SLC9A1: variants seen among roughly 807,000 people sequenced by gnomAD.
SLC9A1 encodes sodium/hydrogen exchanger 1.
A neutral mutation model predicts 67.9 loss-of-function variants in SLC9A1; 22 were observed. The observed-to-expected ratio is 0.32, with a 90% CI of 0.23 to 0.46. SLC9A1 has a LOEUF of 0.46. SLC9A1 is among the 20% of genes least tolerant of loss of function. The probability of loss-of-function intolerance (pLI) is 1.00; values close to 1 mark genes in which losing one functional copy is unlikely to be tolerated. For missense variants in SLC9A1, 686 were observed against 1,094.8 expected (o/e 0.63, Z 5.27); for synonymous variants, 421 against 471.8 (o/e 0.89, Z 1.40).
chr1:27,108,129 C>T (rs1335083529), intron 3 of SLC9A1, among the ~76,000 whole-genome samples: 5 of 148,528 alleles, frequency 3.4e-5, no homozygotes, highest in South Asian at 2.1e-4. Context: ...AGCAGTGGCG[C>T]GATCTTGGCT....
chr1:27,108,062 ATTTTT>A (rs1026584834), intron 3 of SLC9A1, among the ~76,000 whole-genome samples, 197 bp from the exon 4 acceptor site: 1 of 108,924 alleles, frequency 9.2e-6, no homozygotes, highest in Non-Finnish European at 1.9e-5. Flanking sequence ...GTATTCCTCC[ATTTTT>A]TTTTTTTTTT....
rs887730644 is a variant in SLC9A1 at position 27,137,326 on chromosome 1, G to A, written c.352+16657C>T. 1.3e-5 allele frequency among the ~76,000 whole-genome samples: 2 copies of A among 152,246 alleles called. No individual in the cohort carries two copies. Among genetic ancestry groups the A allele is most frequent in the African/African-American group, 4.8e-5 (2 of 41,462 alleles). On this transcript the variant is annotated intron_variant, in intron 1 of 11. Transcript: ENST00000263980. This position sits in a 1 kb window ranked among gnomAD's most constrained non-coding sequence, Gnocchi z 4.6. Reference sequence around the variant, plus strand: ...AGCCTGGACTAGAGGTCGGGGAGCTGAGCTCAATGCAGCTCTGTGGCCCTT... The same window carrying A: ...AGCCTGGACTAGAGGTCGGGGAGCTAAGCTCAATGCAGCTCTGTGGCCCTT...
intron 1 of SLC9A1, among the ~76,000 whole-genome samples, chr1:27,121,815 T>C (rs2083306223): frequency 6.6e-6 from 1 of 152,120 alleles, no homozygotes; most frequent in Non-Finnish European, 1.5e-5. Flanking sequence ...CTGGAACTTC[T>C]ACCCACCTTT....
chr1:27,101,808 G>A lies in SLC9A1; in HGVS notation c.1954C>T (p.His652Tyr). The change falls in exon 10 of 12, where the codon CAC becomes TAC. Residue 652 changes from histidine to tyrosine, a missense_variant. By Grantham distance (83) the His-to-Tyr change is moderately conservative. Transcript: ENST00000263980. The surrounding 1 kb of genome is among the most constrained non-coding windows in gnomAD (Gnocchi z 4.9). ...TCGTAGGGGTCTGCCACCAGCGTGT[G>A]TCTGTTGTAGGACCGCAGCTGTGGG... Reference protein sequence around the residue: ...TRQRLRSYNRHTLVADPYEEA... With the variant: ...TRQRLRSYNRYTLVADPYEEA... 6.2e-7 allele frequency: 1 copy of A among 1,612,286 alleles called. No individual in the cohort carries two copies. The highest frequency in any genetic ancestry group is 8.5e-7 in the Non-Finnish European group (1 of 1,179,696).
Position 27,100,414 on chromosome 1 carries a change from C to CG in SLC9A1, c.2340dup (p.Ala781ArgfsTer4), listed in dbSNP as rs1357237200. On this transcript the variant is annotated frameshift_variant, in exon 12 of 12. Transcript: ENST00000263980. LOFTEE classifies it high-confidence loss of function. The surrounding 1 kb of genome is among the most constrained non-coding windows in gnomAD (Gnocchi z 5.6). ...TGGGAGCTGGGGCTGTCACTGGGCG[C>CG]GGGGGTGAAGACATCGTCGGTTCCT... 1.2e-6 allele frequency: 2 copies of CG among 1,608,566 alleles called. No individual in the cohort carries two copies. Among genetic ancestry groups the CG allele is most frequent in the African/African-American group, 1.3e-5 (1 of 74,878 alleles).
At chr1:27,115,735 C>CAA (rs112070851) in intron 1 of SLC9A1, among the ~76,000 whole-genome samples, 1 of 139,288 alleles carries the variant, frequency 7.2e-6, no homozygotes, top group African/African-American at 2.6e-5. Context: ...AGCCCAGCCT[C>CAA]AAAAAAAAAA....
At position 27,109,829 on chromosome 1, in the gene SLC9A1, G is replaced by T; in HGVS notation, c.814-52C>A. 6.2e-7 allele frequency: 1 copy of T among 1,601,460 alleles called. No individual in the cohort carries two copies. The highest frequency in any genetic ancestry group is 8.5e-7 in the Non-Finnish European group (1 of 1,172,792). On this transcript the variant is annotated intron_variant, in intron 2 of 11. Coordinates refer to ENST00000263980, the MANE Select transcript of SLC9A1 (RefSeq NM_003047.5). This position sits in a 1 kb window ranked among gnomAD's most constrained non-coding sequence, Gnocchi z 5.5. ...TGGGAGGAGAGGGCCCTGGCCCCACGGTTCCCTGGGGTCCACCCAGGGCAA... is the reference window on the plus strand; with the variant it reads ...TGGGAGGAGAGGGCCCTGGCCCCACTGTTCCCTGGGGTCCACCCAGGGCAA...
intron 4 of SLC9A1, among the ~76,000 whole-genome samples, chr1:27,107,107 A>T (rs2083190318): frequency 9.0e-6 from 1 of 111,438 alleles, no homozygotes; most frequent in African/African-American, 3.4e-5. Flanking sequence ...CTCCACACAC[A>T]CACACACACA....
chr1:27,154,636 G>A lies in SLC9A1; in HGVS notation c.-302C>T. 2.9e-6 allele frequency: 1 copy of A among 345,480 alleles called. No individual in the cohort carries two copies. The highest frequency in any genetic ancestry group is 5.3e-6 in the Non-Finnish European group (1 of 187,748). The allele number at this position is 345,480 out of a possible 1,614,324, so 21.4% of individuals were successfully genotyped here. On this transcript the variant is annotated 5_prime_UTR_variant, in exon 1 of 12. Coordinates refer to ENST00000263980, the MANE Select transcript of SLC9A1 (RefSeq NM_003047.5). ...ACGGATGTGGGAAACTGAGCCCTAG[G>A]GATAGAGGAAGGGGCAGGATAGGGA...
At chr1:27,113,116 G>C (rs1369540672) in intron 2 of SLC9A1, among the ~76,000 whole-genome samples, 2 of 152,050 alleles carry the variant, frequency 1.3e-5, no homozygotes, top group African/African-American at 4.8e-5. Flanking sequence ...CTGTGAAGAG[G>C]GAACTGAGGC....
rs755603773 is a variant in SLC9A1 at position 27,107,718 on chromosome 1, G to A, written c.1212C>T (p.Ala404=). ...AGGTCCAGTTCCAGTGGTGGGAGCC[G>A]GCCACCGTGGAGACGCCGAGGAAGA... The part of the protein sequence containing the change: ...IFIFLGVSTV[A]GSHHWNWTFV... The change falls in exon 4 of 12, where the codon GCC becomes GCT. Residue 404 remains alanine, a synonymous_variant. Transcript: ENST00000263980. 1.6e-5 allele frequency: 26 copies of A among 1,579,300 alleles called. No individual in the cohort carries two copies. Among genetic ancestry groups the A allele is most frequent in the Non-Finnish European group, 2.1e-5 (25 of 1,163,422 alleles).
In SLC9A1 at chr1:27,140,886, C is replaced by T. The variant is rs78151691; in HGVS notation, c.352+13097G>A. Among the ~76,000 whole-genome samples, 1,145 of 152,210 alleles carry T rather than the reference C, an allele frequency of 7.5e-3. 14 individuals are homozygous for T. Among genetic ancestry groups the T allele is most frequent in the African/African-American group, 0.023 (971 of 41,532 alleles). On this transcript the variant is annotated intron_variant, in intron 1 of 11. Transcript: ENST00000263980. Reference sequence around the variant, plus strand: ...TCCTGGAGTCCAGCTTCAGCTCTGCCACAGTCAGGCTATATGACACCAGGC... The same window carrying T: ...TCCTGGAGTCCAGCTTCAGCTCTGCTACAGTCAGGCTATATGACACCAGGC...
intron 1 of SLC9A1, among the ~76,000 whole-genome samples, chr1:27,128,657 T>TA (rs768704005): frequency 0.018 from 1,962 of 106,722 alleles, 40 homozygotes; most frequent in African/African-American, 0.053. Context: ...ACCCTGTCTT[T>TA]AAAAAAAAAA....
chr1:27,138,779 GA>G (rs2083435902), intron 1 of SLC9A1, among the ~76,000 whole-genome samples: 1 of 152,150 alleles, frequency 6.6e-6, no homozygotes, highest in South Asian at 2.1e-4. Context: ...ATGAAGTGGA[GA>G]AAGGGGTGGG....
chr1:27,131,638 C>T (rs1387882298), intron 1 of SLC9A1, among the ~76,000 whole-genome samples: 1 of 150,920 alleles, frequency 6.6e-6, no homozygotes, highest in Non-Finnish European at 1.5e-5. Flanking sequence ...GTCCCAGCTA[C>T]TCAGAAGGCT....
At chr1:27,123,008 G>C (rs1405298424) in intron 1 of SLC9A1, among the ~76,000 whole-genome samples, 1 of 151,884 alleles carries the variant, frequency 6.6e-6, no homozygotes, top group Non-Finnish European at 1.5e-5. Context: ...GGGAAGCGGT[G>C]GGGGGCAGCT....
At position 27,101,195 on chromosome 1, in the gene SLC9A1, G is replaced by A. The variant is rs749290227; in HGVS notation, c.2110+8C>T. On this transcript the variant is annotated splice_region_variant and intron_variant, in intron 11 of 11. Transcript: ENST00000263980. This position sits in a 1 kb window ranked among gnomAD's most constrained non-coding sequence, Gnocchi z 4.9. ...GCCCAGTCCTGAGGCCCCTCGCCAGGCCCTTACCTGAGCCGATGCGGGCCC... is the reference window on the plus strand; with the variant it reads ...GCCCAGTCCTGAGGCCCCTCGCCAGACCCTTACCTGAGCCGATGCGGGCCC... 6.2e-7 allele frequency: 1 copy of A among 1,607,990 alleles called. No individual in the cohort carries two copies. Among genetic ancestry groups the A allele is most frequent in the Admixed American group, 1.7e-5 (1 of 59,988 alleles).
At chr1:27,133,667 C>T (rs2083400738) in intron 1 of SLC9A1, among the ~76,000 whole-genome samples, 1 of 152,076 alleles carries the variant, frequency 6.6e-6, no homozygotes, top group Non-Finnish European at 1.5e-5. Context: ...TCCAAATGGC[C>T]ACTCCACTGC....
rs778518126 is a variant in SLC9A1, at chr1:27,105,927, G to A, written c.1443C>T (p.Leu481=). The change falls in exon 5 of 12, where the codon CTC becomes CTT. Residue 481 remains leucine (L), a synonymous_variant. Coordinates refer to ENST00000263980, the MANE Select transcript of SLC9A1 (RefSeq NM_003047.5). ...KKHFPMCDLF[L]TAIITVIFFT... ...AGAAGATGACAGTGATGATGGCAGT[G>A]AGGAACAGGTCACACATGGGGAAGT... The A allele has an allele frequency of 1.1e-5, 18 of 1,613,576 alleles. No homozygotes were observed. In the South Asian group the frequency reaches 2.0e-4, roughly 18 times the overall value.
Sources: allele counts gnomAD v4.1 joint callset (sites outside exome capture counted in the v4.1 genomes callset), GRCh38; gene constraint gnomAD v4.1.1; non-coding constraint Gnocchi (gnomAD v3.1); transcripts MANE v1.5; gene names NCBI Gene and HGNC (gene_info 2026-07-23, HGNC 2026-07-21).